CD163L1: variants seen among roughly 807,000 people sequenced by gnomAD.
CD163L1 encodes scavenger receptor cysteine-rich type 1 protein M160.
CD163L1 carries 124 observed loss-of-function variants against 165.4 expected under a neutral mutation model. That is an observed-to-expected ratio of 0.75 (90% CI 0.65 to 0.87). The LOEUF (loss-of-function observed/expected upper bound fraction) is 0.87. Among genes scored for constraint, CD163L1 ranks in the 40% least tolerant of loss-of-function variants. The pLI is 0.00. For synonymous variants in CD163L1, 585 were observed against 662.2 expected (o/e 0.88, Z 1.79); for missense variants, 1,525 against 1,799.9 (o/e 0.85, Z 2.76).
chr12:7,372,832 C>A lies in CD163L1; in HGVS notation c.3730+488G>T, dbSNP rs1041802281. ...TATAATTGTACAATTTCTAAAATCTCTACAATAAACATATTAAATTTTAAT... is the reference window on the plus strand; with the variant it reads ...TATAATTGTACAATTTCTAAAATCTATACAATAAACATATTAAATTTTAAT... On this transcript the variant is annotated intron_variant, in intron 14 of 19. Transcript: ENST00000313599. The surrounding 1 kb of genome is among the most constrained non-coding windows in gnomAD (Gnocchi z 4.2). 3.3e-5 allele frequency among the ~76,000 whole-genome samples: 5 copies of A among 151,870 alleles called. No homozygotes were observed. The highest frequency in any genetic ancestry group is 1.2e-4 in the African/African-American group (5 of 41,374).
chr12:7,435,770 T>C (rs796665679), intron 2 of CD163L1, among the ~76,000 whole-genome samples: 2 of 152,036 alleles, frequency 1.3e-5, no homozygotes, highest in Non-Finnish European at 2.9e-5. Context: ...CATTTGACAA[T>C]AGTAATGAAA....
At chr12:7,440,142 C>A (rs1276674933) in intron 2 of CD163L1, among the ~76,000 whole-genome samples, 1 of 152,264 alleles carries the variant, frequency 6.6e-6, no homozygotes, top group African/African-American at 2.4e-5. Flanking sequence ...GGCCACGTCC[C>A]GCTCAGGCTC....
chr12:7,444,074 G>A (rs1204049468), intron 1 of CD163L1, 23 bp downstream of exon 1: 1 of 1,612,808 alleles, frequency 6.2e-7, no homozygotes, highest in Non-Finnish European at 8.5e-7. Flanking sequence ...AAATGGCAGA[G>A]CAAAATAAAA....
chr12:7,329,291 T>C, the CD163L1 span, among the ~76,000 whole-genome samples: 2 of 149,222 alleles, frequency 1.3e-5, no homozygotes, highest in Admixed American at 6.7e-5. Context: ...TTTTCTTTTT[T>C]TTTTTTCAGC....
At position 7,369,636 on chromosome 12, in the gene CD163L1, C is replaced by T. The variant is rs138733121; in HGVS notation, c.3760G>A (p.Glu1254Lys). Residue 1254 changes from glutamate to lysine, a missense_variant, in exon 15 of 20, where the codon GAG (glutamate) becomes AAG (lysine). Coordinates refer to ENST00000313599, the MANE Select transcript of CD163L1 (RefSeq NM_174941.6). The surrounding 1 kb of genome is among the most constrained non-coding windows in gnomAD (Gnocchi z 4.9). ...CAGATCTCCACTCTCCCAGAGCACT[C>T]GGTGTCTCCTCCACGCACTCTTATT... ...DRIRVRGGDT[E>K]CSGRVEIWHA... is the part of the protein sequence containing the mutation. 357 of 1,614,058 alleles carry T rather than the reference C, an allele frequency of 2.2e-4. No homozygotes were observed. Among genetic ancestry groups the T allele is most frequent in the African/African-American group, 1.3e-3 (100 of 75,052 alleles).
In CD163L1 at chr12:7,396,186, A is replaced by G; in HGVS notation, c.1959T>C (p.Asp653=). The G allele has an allele frequency of 6.2e-7, 1 of 1,614,162 alleles. No individual in the cohort carries two copies. The highest frequency in any genetic ancestry group is 2.2e-5 in the East Asian group (1 of 44,874). ...GKIWLDDVSC[D]GDESDLWSCR... is the part of the protein sequence containing the mutation. Reference sequence around the variant, plus strand: ...ATGACCAGAGATCTGACTCATCTCCATCACAGGAAACATCATCGAGCCAAA... The same window carrying G: ...ATGACCAGAGATCTGACTCATCTCCGTCACAGGAAACATCATCGAGCCAAA... The change falls in exon 8 of 20, where the codon GAT becomes GAC. Residue 653 remains aspartate, a synonymous_variant. Transcript: ENST00000313599.
chr12:7,324,131 A>G, the CD163L1 span: 1 of 982,826 alleles, frequency 1.0e-6, no homozygotes. Flanking sequence ...GCTCCAGTCT[A>G]GGCAACAGAG....
At chr12:7,421,006 T>G (rs1231057156) in intron 4 of CD163L1, among the ~76,000 whole-genome samples, 1 of 131,920 alleles carries the variant, frequency 7.6e-6, no homozygotes, top group Non-Finnish European at 1.6e-5. Flanking sequence ...CATATATATA[T>G]ATACGTGTAT....
At chr12:7,328,270 T>A in the CD163L1 span, 2 of 1,560,640 alleles carry the variant, frequency 1.3e-6, no homozygotes, top group Non-Finnish European at 1.7e-6. Context: ...CTCATCACGT[T>A]TTTTTCTGTC....
At chr12:7,393,262 T>C (rs1026005078) in intron 8 of CD163L1, among the ~76,000 whole-genome samples, 3 of 152,156 alleles carry the variant, frequency 2.0e-5, no homozygotes, top group Non-Finnish European at 4.4e-5. Flanking sequence ...GCCAGGCTGG[T>C]TCAACGTGTG....
chr12:7,423,671 C>T (rs966674792), intron 4 of CD163L1, among the ~76,000 whole-genome samples: 1 of 152,112 alleles, frequency 6.6e-6, no homozygotes, highest in South Asian at 2.1e-4. Flanking sequence ...CACAGAAATA[C>T]AAACTACCGT....
the CD163L1 span, among the ~76,000 whole-genome samples, chr12:7,340,025 G>C: frequency 1.3e-5 from 2 of 152,004 alleles, no homozygotes; most frequent in Non-Finnish European, 2.9e-5. Context: ...GTATATTATG[G>C]AACCTGCCTC....
intron 10 of CD163L1, 21 bp from the exon 11 acceptor site, chr12:7,375,616 A>G: frequency 6.2e-7 from 1 of 1,611,326 alleles, no homozygotes; most frequent in Non-Finnish European, 8.5e-7. Context: ...ACAAGGCCAT[A>G]GAAGAGACAT....
intron 8 of CD163L1, among the ~76,000 whole-genome samples, chr12:7,379,726 A>G (rs1222601314): frequency 2.6e-5 from 4 of 152,202 alleles, no homozygotes; most frequent in African/African-American, 9.6e-5. Flanking sequence ...GAAAAACTGC[A>G]TAGGGCTGTG....
rs1167349885 is a variant in CD163L1, at chr12:7,432,022, C to G, written c.766+394G>C. Among the ~76,000 whole-genome samples the G allele has an allele frequency of 1.3e-5, 2 of 151,916 alleles. No individual in the cohort carries two copies. The highest frequency in any genetic ancestry group is 4.8e-5 in the African/African-American group (2 of 41,350). On this transcript the variant is annotated intron_variant, in intron 4 of 19. Transcript: ENST00000313599. The surrounding 1 kb of genome is among the most constrained non-coding windows in gnomAD (Gnocchi z 4.2). ...GGCAGCGTGAGATTAGGGACTTAGTCCTGATGAAATCTAAGTTTTGGTAGC... is the reference window on the plus strand; with the variant it reads ...GGCAGCGTGAGATTAGGGACTTAGTGCTGATGAAATCTAAGTTTTGGTAGC...
At chr12:7,425,457 T>C (rs1948525157) in intron 4 of CD163L1, among the ~76,000 whole-genome samples, 1 of 152,070 alleles carries the variant, frequency 6.6e-6, no homozygotes, top group Non-Finnish European at 1.5e-5. Flanking sequence ...CCAAAAGCAA[T>C]GGCAACAAAA....
chr12:7,328,171 C>A, the CD163L1 span: 1 of 726,524 alleles, frequency 1.4e-6, no homozygotes, highest in Non-Finnish European at 2.2e-6. Context: ...TGAGCTTAGG[C>A]TAAGATAATC....
chr12:7,410,293 A>C (rs1447223602), intron 4 of CD163L1, among the ~76,000 whole-genome samples: 1 of 152,190 alleles, frequency 6.6e-6, no homozygotes, highest in Non-Finnish European at 1.5e-5. Flanking sequence ...AGAATTCAGC[A>C]GAAGAAATAT....
At chr12:7,430,847 T>C (rs1055121720) in intron 4 of CD163L1, among the ~76,000 whole-genome samples, 9 of 151,722 alleles carry the variant, frequency 5.9e-5, no homozygotes, top group African/African-American at 1.5e-4. Flanking sequence ...GGTTGGAAAA[T>C]ATCACGTACA....
Sources: gnomAD v4.1 joint callset for allele counts (sites outside exome capture counted in the v4.1 genomes callset) on GRCh38, gnomAD v4.1.1 for gene constraint, Gnocchi (gnomAD v3.1) non-coding constraint, MANE v1.5 for transcripts, NCBI Gene and HGNC (gene_info 2026-07-23, HGNC 2026-07-21) for gene names.